The following TMEM126A variants were observed in gnomAD, a reference collection of about 807,000 sequenced individuals.
The protein encoded by TMEM126A is transmembrane protein 126A, also known as optic atrophy 7.
In TMEM126A, 10 loss-of-function variants were observed where a neutral mutation model predicts 18.3. That is an observed-to-expected ratio of 0.55 (90% CI 0.34 to 0.93). The LOEUF is 0.93. TMEM126A is among the 40% of genes least tolerant of loss of function. TMEM126A has a pLI of 0.02. For synonymous variants in TMEM126A, 68 were observed against 78.1 expected (o/e 0.87, Z 0.68); for missense variants, 246 against 230.2 (o/e 1.07, Z -0.44).
chr11:85,650,707 A>G (rs2082492875), intron 2 of TMEM126A, among the ~76,000 whole-genome samples: 1 of 152,194 alleles, frequency 6.6e-6, no homozygotes, highest in Non-Finnish European at 1.5e-5. Flanking sequence ...GTCTAAGAGT[A>G]CCATAGAACA....
intron 4 of TMEM126A, 109 bp from the exon 5 acceptor site, chr11:85,656,200 T>G: frequency 1.0e-6 from 1 of 983,638 alleles, no homozygotes; most frequent in East Asian, 2.6e-5. Flanking sequence ...ACCTTTACTT[T>G]AATATTCAGT....
rs560111095 is a variant in TMEM126A at position 85,654,327 on chromosome 11, AT to A, written c.280+73del. 6.9e-4 allele frequency: 975 copies of A among 1,417,572 alleles called. 6 individuals carry two copies. The African/African-American group carries it at 0.012, about 18-fold the overall frequency. 87.8% of individuals were successfully genotyped at this position (1,417,572 alleles called of 1,614,324 possible). On this transcript the variant is annotated intron_variant, in intron 3 of 4. Transcript: ENST00000304511. Reference sequence around the variant, plus strand: ...TTATTTGCAGCTTTAGTCCATACTTATTAATATCAAGTAGCTGTATGCTGTA... The same window carrying A: ...TTATTTGCAGCTTTAGTCCATACTTATAATATCAAGTAGCTGTATGCTGTA...
At chr11:85,651,792 G>A (rs1197622652) in intron 2 of TMEM126A, among the ~76,000 whole-genome samples, 3 of 152,126 alleles carry the variant, frequency 2.0e-5, no homozygotes, top group Non-Finnish European at 4.4e-5. Context: ...CTGAGGTAAC[G>A]GAAAACCTTT....
chr11:85,649,997 C>A (rs2082487385), intron 1 of TMEM126A, among the ~76,000 whole-genome samples: 1 of 151,940 alleles, frequency 6.6e-6, no homozygotes, highest in African/African-American at 2.4e-5. Context: ...TTTTATAAGT[C>A]TTTTATGTTT....
intron 1 of TMEM126A, among the ~76,000 whole-genome samples, chr11:85,648,635 A>G (rs1412425492): frequency 6.6e-6 from 1 of 152,178 alleles, no homozygotes; most frequent in Non-Finnish European, 1.5e-5. Flanking sequence ...CACCCCATAC[A>G]CAAAATCATT....
chr11:85,653,392 A>G (rs961553004), intron 2 of TMEM126A, among the ~76,000 whole-genome samples: 3 of 152,228 alleles, frequency 2.0e-5, no homozygotes, highest in Non-Finnish European at 4.4e-5. Context: ...TGTATTGTAG[A>G]TGGCAATGTA....
chr11:85,655,099 GATTA>G (rs886978377), intron 3 of TMEM126A, among the ~76,000 whole-genome samples: 45 of 151,996 alleles, frequency 3.0e-4, no homozygotes, highest in Non-Finnish European at 3.8e-4. Flanking sequence ...AAAAACTTTT[GATTA>G]ATTATTTCAA....
chr11:85,654,316 A>AGTCCATACTTATTAATATCAAGTAGCT, intron 3 of TMEM126A, 60 bp downstream of exon 3: 2 of 1,494,962 alleles, frequency 1.3e-6, no homozygotes, highest in Non-Finnish European at 1.9e-6. Context: ...TTGCAGCTTT[A>AGTCCATACTTATTAATATCAAGTAGCT]GTCCATACTT....
At chr11:85,648,943 T>C (rs958608742) in intron 1 of TMEM126A, among the ~76,000 whole-genome samples, 7 of 151,426 alleles carry the variant, frequency 4.6e-5, no homozygotes, top group East Asian at 1.9e-4. Context: ...ACTGTTTTTT[T>C]TTTTTTTTTT....
At chr11:85,650,435 A>G (rs564914688) in intron 2 of TMEM126A, 94 bp downstream of exon 2, 13 of 965,780 alleles carry the variant, frequency 1.3e-5, no homozygotes, top group African/African-American at 1.1e-4. Flanking sequence ...AGTATAAACA[A>G]CATGGAATGT....
intron 1 of TMEM126A, 130 bp downstream of exon 1, chr11:85,648,219 T>C (rs1177498959): frequency 2.6e-5 from 4 of 152,256 alleles, no homozygotes; most frequent in Non-Finnish European, 5.9e-5. Context: ...TAGCTCTTCC[T>C]GCTGTCTTTT....
At chr11:85,653,465 A>G (rs2082516102) in intron 2 of TMEM126A, among the ~76,000 whole-genome samples, 1 of 152,212 alleles carries the variant, frequency 6.6e-6, no homozygotes, top group Non-Finnish European at 1.5e-5. Flanking sequence ...ATATTCAGCA[A>G]TCATGTTAGG....
At chr11:85,652,170 G>A (rs757926651) in intron 2 of TMEM126A, among the ~76,000 whole-genome samples, 6 of 152,156 alleles carry the variant, frequency 3.9e-5, no homozygotes, top group Non-Finnish European at 8.8e-5. Context: ...TCAAAAAAGA[G>A]TAGATGGTGG....
At chr11:85,649,964 GTTC>G (rs2082487193) in intron 1 of TMEM126A, among the ~76,000 whole-genome samples, 1 of 152,094 alleles carries the variant, frequency 6.6e-6, no homozygotes, top group East Asian at 1.9e-4. Context: ...ATAACCATAG[GTTC>G]TTAACTTCAA....
At position 85,650,317 on chromosome 11, in the gene TMEM126A, T is replaced by A; in HGVS notation, c.62T>A (p.Ile21Asn). 1 of 1,607,810 alleles carries A rather than the reference T, an allele frequency of 6.2e-7. No homozygotes were observed. Among genetic ancestry groups the A allele is most frequent in the South Asian group, 1.1e-5 (1 of 90,774 alleles). The stretch of plus-strand genomic sequence containing the variant: ...ACAATTGTTGATATATCCAGAAAAA[T>A]TAACCAGCTTCCAGAAGCAGAAAGG... The part of the protein sequence containing the change: ...NITIVDISRK[I>N]NQLPEAERNL... The change falls in exon 2 of 5, where the codon ATT (isoleucine) becomes AAT (asparagine). Residue 21 changes from isoleucine to asparagine, a missense_variant. By Grantham distance (149) the Ile-to-Asn change is moderately radical (BLOSUM62 -3). Coordinates refer to ENST00000304511, the MANE Select transcript of TMEM126A (RefSeq NM_032273.4).
chr11:85,649,171 G>A (rs371867272), intron 1 of TMEM126A, among the ~76,000 whole-genome samples: 3 of 152,212 alleles, frequency 2.0e-5, no homozygotes, highest in African/African-American at 7.2e-5. Context: ...CTGACCTCAG[G>A]TGATCCGTCT....
chr11:85,655,409 C>A, intron 3 of TMEM126A, 185 bp from the exon 4 acceptor site: 2 of 537,478 alleles, frequency 3.7e-6, no homozygotes, highest in South Asian at 4.4e-5. Context: ...ATAGTTTTAC[C>A]AATTATTCCT....
At chr11:85,653,898 G>T (rs1383902192) in intron 2 of TMEM126A, 165 bp from the exon 3 acceptor site, 8 of 728,230 alleles carry the variant, frequency 1.1e-5, no homozygotes, top group Non-Finnish European at 1.9e-5. Context: ...GCTGGGAGAA[G>T]AGCAAAAACC....
Position 85,656,455 on chromosome 11 carries a change from T to TTA in TMEM126A, c.545_546dup (p.Lys183Ter), listed in dbSNP as rs1330199819. On this transcript the variant is annotated frameshift_variant, in exon 5 of 5. Coordinates refer to ENST00000304511, the MANE Select transcript of TMEM126A (RefSeq NM_032273.4). LOFTEE classifies it high-confidence loss of function. ...CTTGGGTCTGAACAATATAAACTAC[T>TTA]TATAAAGGCCCTTCAGTTATCTGAA... 1 of 1,613,280 alleles carries TTA rather than the reference T, an allele frequency of 6.2e-7. No individual in the cohort carries two copies. Among genetic ancestry groups the TTA allele is most frequent in the Non-Finnish European group, 8.5e-7 (1 of 1,179,610 alleles).
Sources: allele counts gnomAD v4.1 joint callset (sites outside exome capture counted in the v4.1 genomes callset), GRCh38; gene constraint gnomAD v4.1.1; transcripts MANE v1.5; gene names NCBI Gene and HGNC (gene_info 2026-07-23, HGNC 2026-07-21).